SH3BP5: variants seen among roughly 807,000 people sequenced by gnomAD.
SH3BP5 encodes the protein SH3 domain binding protein 5.
Under a neutral mutation model 43.3 loss-of-function variants are expected in SH3BP5, and 22 were observed. That is an observed-to-expected ratio of 0.51 (90% CI 0.36 to 0.73). SH3BP5 has a LOEUF of 0.73. Among genes scored for constraint, SH3BP5 ranks in the 30% least tolerant of loss-of-function variants. SH3BP5 has a pLI of 0.00. For missense variants in SH3BP5, 529 were observed against 586.9 expected, an observed-to-expected ratio of 0.90 and a Z score of 1.02; for synonymous variants, 255 against 225.8, an observed-to-expected ratio of 1.13 and a Z score of -1.16.
chr3:15,305,775 A>G (rs773824481), intron 2 of SH3BP5, among the ~76,000 whole-genome samples: 3 of 152,176 alleles, frequency 2.0e-5, no homozygotes, highest in Non-Finnish European at 4.4e-5. Flanking sequence ...AAGGGTGGCC[A>G]TCCATCCTGG....
At chr3:15,280,348 C>T (rs530188486) in intron 3 of SH3BP5, among the ~76,000 whole-genome samples, 1 of 152,132 alleles carries the variant, frequency 6.6e-6, no homozygotes, top group East Asian at 1.9e-4. Flanking sequence ...AAGGCAGGGG[C>T]CTGAGCTGGG....
At chr3:15,258,785 C>T (rs1297431721) in intron 7 of SH3BP5, 46 bp downstream of exon 7, 2 of 1,525,924 alleles carry the variant, frequency 1.3e-6, no homozygotes, top group African/African-American at 1.4e-5. Context: ...AAACAAATCA[C>T]ACAGTCTGAT....
intron 3 of SH3BP5, among the ~76,000 whole-genome samples, chr3:15,302,719 C>G (rs1427221677): frequency 6.6e-6 from 1 of 152,104 alleles, no homozygotes; most frequent in Non-Finnish European, 1.5e-5. Context: ...GTCCATCCTA[C>G]TGATATCTCC....
At chr3:15,321,812 C>CAAA (rs35283423) in intron 2 of SH3BP5, among the ~76,000 whole-genome samples, 1 of 132,260 alleles carries the variant, frequency 7.6e-6, no homozygotes, top group African/African-American at 3.0e-5. Flanking sequence ...ATCAAATTGC[C>CAAA]AAAAAAAAAA....
At chr3:15,324,181 C>G (rs1222719446) in intron 2 of SH3BP5, among the ~76,000 whole-genome samples, 1 of 152,204 alleles carries the variant, frequency 6.6e-6, no homozygotes, top group African/African-American at 2.4e-5. Context: ...TCTGTACCGT[C>G]AGCTCTCTTC....
intron 1 of SH3BP5, 37 bp from the exon 2 acceptor site, chr3:15,330,603 G>T: frequency 6.6e-7 from 1 of 1,521,302 alleles, no homozygotes; most frequent in South Asian, 1.3e-5. Flanking sequence ...AGACTTAAGG[G>T]ATCCGTCTTT....
At chr3:15,283,346 G>A (rs536080773) in intron 3 of SH3BP5, among the ~76,000 whole-genome samples, 3 of 152,302 alleles carry the variant, frequency 2.0e-5, no homozygotes, top group Middle Eastern at 3.4e-3. Flanking sequence ...GCAGTAAGCC[G>A]AGATTGCACC....
At chr3:15,256,832 G>C in intron 8 of SH3BP5, 21 bp downstream of exon 8, 1 of 1,592,488 alleles carries the variant, frequency 6.3e-7, no homozygotes, top group Non-Finnish European at 8.6e-7. Flanking sequence ...TCTGGGACGG[G>C]GTGAGAAGGC....
rs372036126 is a variant in SH3BP5, at chr3:15,282,737, G to A, written c.331-12860C>T. On this transcript the variant is annotated intron_variant, in intron 3 of 8. Transcript: ENST00000383791. ...TGTGACCTTTTAAAGGTTCTTACCT[G>A]TTAGAGATACATATCTAAATACTTA... is the stretch of plus-strand genomic sequence containing the variant. Among the ~76,000 whole-genome samples, 1,053 of 151,656 alleles carry A rather than the reference G, an allele frequency of 6.9e-3. 15 individuals are homozygous for A. The highest frequency in any genetic ancestry group is 0.024 in the African/African-American group (991 of 41,254).
At chr3:15,292,803 A>G (rs1159271025) in intron 3 of SH3BP5, among the ~76,000 whole-genome samples, 1 of 151,884 alleles carries the variant, frequency 6.6e-6, no homozygotes, top group East Asian at 1.9e-4. Flanking sequence ...AGCCGAGATC[A>G]CACCATTGCA....
At position 15,255,044 on chromosome 3, in the gene SH3BP5, T is replaced by TTTAGCA. The variant is rs1405179638; in HGVS notation, c.*1041_*1042insTGCTAA. The TTTAGCA allele has an allele frequency of 1.3e-5, 2 of 152,518 alleles. No homozygotes were observed. The allele number at this position is 152,518 out of a possible 1,614,324, so 9.4% of individuals were successfully genotyped here. ...GCTTTTTTCTTTTAGAAATGCTAAA[T>TTTAGCA]TTTCTTAACAAGACAAAAATACAGT... On this transcript the variant is annotated 3_prime_UTR_variant, in exon 9 of 9. Transcript: ENST00000383791.
rs1455881976 is a variant in SH3BP5, at chr3:15,254,679, T to C, written c.*1407A>G. On this transcript the variant is annotated 3_prime_UTR_variant, in exon 9 of 9. Coordinates refer to ENST00000383791, the MANE Select transcript of SH3BP5 (RefSeq NM_004844.5). ...CCCACAGCTTTAGCAACAGCAAAAGTAGAATTCAAACCTTGGTAAACAAGG... is the reference window on the plus strand; with the variant it reads ...CCCACAGCTTTAGCAACAGCAAAAGCAGAATTCAAACCTTGGTAAACAAGG... 6.6e-6 allele frequency: 1 copy of C among 152,224 alleles called. No homozygotes were observed. Among genetic ancestry groups the C allele is most frequent in the African/African-American group, 2.4e-5 (1 of 41,440 alleles). The allele number at this position is 152,224 out of a possible 1,614,324, so 9.4% of individuals were successfully genotyped here.
At chr3:15,316,658 A>C (rs1028744700) in intron 2 of SH3BP5, among the ~76,000 whole-genome samples, 1 of 151,910 alleles carries the variant, frequency 6.6e-6, no homozygotes, top group African/African-American at 2.4e-5. Context: ...CTGGGTATTC[A>C]TGTGTGAGAT....
chr3:15,332,594 G>GCGCGGCCGCCCCCTTTCTGC, upstream of SH3BP5: 1 of 1,200,514 alleles, frequency 8.3e-7, no homozygotes, highest in Non-Finnish European at 1.0e-6. Flanking sequence ...GAGGAAATGG[G>GCGCGGCCGCCCCCTTTCTGC]CGCGGCCGCC....
At chr3:15,274,540 C>G (rs1424531580) in intron 3 of SH3BP5, among the ~76,000 whole-genome samples, 63 of 152,048 alleles carry the variant, frequency 4.1e-4, no homozygotes, top group Admixed American at 4.1e-3. Flanking sequence ...ATCGCCCAGG[C>G]TGGAGTATAG....
rs568234272 is a variant in SH3BP5 at position 15,331,423 on chromosome 3, T to TA, written c.138+847dup. On this transcript the variant is annotated intron_variant, in intron 1 of 8. Coordinates refer to ENST00000383791, the MANE Select transcript of SH3BP5 (RefSeq NM_004844.5). ...AGAGCATGCTTAAAAGCAATTTTTT[T>TA]AAAAAAATGATTTATTGAAAAGGTA... 4.5e-4 allele frequency among the ~76,000 whole-genome samples: 68 copies of TA among 152,154 alleles called. No individual in the cohort carries two copies. The East Asian group carries it at 8.1e-3, about 18-fold the overall frequency.
chr3:15,294,346 C>T (rs1409231779), intron 3 of SH3BP5, among the ~76,000 whole-genome samples: 15 of 147,282 alleles, frequency 1.0e-4, no homozygotes, highest in Admixed American at 4.1e-4. Flanking sequence ...CGCATGTTTA[C>T]GTAACTCCCC....
intron 3 of SH3BP5, among the ~76,000 whole-genome samples, chr3:15,299,178 T>A (rs1697660463): frequency 6.6e-6 from 1 of 152,200 alleles, no homozygotes; most frequent in African/African-American, 2.4e-5. Context: ...GGCTCCGCCC[T>A]CATCAGACTG....
chr3:15,292,198 A>C (rs1697430901), intron 3 of SH3BP5, among the ~76,000 whole-genome samples: 1 of 152,164 alleles, frequency 6.6e-6, no homozygotes, highest in Non-Finnish European at 1.5e-5. Context: ...AGTACAGTTG[A>C]GAAGAAGGAA....
Sources: gnomAD v4.1 joint callset for allele counts (sites outside exome capture counted in the v4.1 genomes callset) on GRCh38, gnomAD v4.1.1 for gene constraint, MANE v1.5 for transcripts, NCBI Gene and HGNC (gene_info 2026-07-23, HGNC 2026-07-21) for gene names.